The following SYTL3 variants were observed in gnomAD, a reference collection of about 807,000 sequenced individuals.
SYTL3 encodes the protein synaptotagmin-like protein 3.
SYTL3 carries 88 observed loss-of-function variants against 82.1 expected under a neutral mutation model. That is an observed-to-expected ratio of 1.07 (90% CI 0.90 to 1.28). SYTL3 has a LOEUF of 1.28. Ranked by LOEUF, SYTL3 falls within the 50% of genes most tolerant of loss-of-function variation. The pLI, the probability that SYTL3 is intolerant of heterozygous loss-of-function variation, is 0.00. For synonymous variants in SYTL3, 311 were observed against 289.4 expected (o/e 1.07, Z -0.76); for missense variants, 831 against 757.6 (o/e 1.10, Z -1.14).
chr6:158,755,516 T>G (rs3127229), intron 13 of SYTL3, among the ~76,000 whole-genome samples: 87,047 of 152,062 alleles, frequency 0.57, 26,130 homozygotes, highest in African/African-American at 0.7. Context: ...GCCAAGCCAT[T>G]TGTGCCTGGC....
chr6:158,667,821 C>T (rs1276296463), intron 5 of SYTL3, among the ~76,000 whole-genome samples: 3 of 152,090 alleles, frequency 2.0e-5, no homozygotes, highest in Admixed American at 2.0e-4. Flanking sequence ...TGGCCCTGAT[C>T]TTGTGTTGAG....
At chr6:158,674,119 A>AATAATAATGATGATG (rs544841096) in intron 5 of SYTL3, among the ~76,000 whole-genome samples, 2 of 141,456 alleles carry the variant, frequency 1.4e-5, no homozygotes, top group African/African-American at 5.5e-5. Context: ...TAATAATAAT[A>AATAATAATGATGATG]ATGATGATGA....
intron 5 of SYTL3, among the ~76,000 whole-genome samples, chr6:158,671,701 G>A (rs537201506): frequency 1.3e-5 from 2 of 150,976 alleles, no homozygotes; most frequent in South Asian, 4.2e-4. Flanking sequence ...CTGGGAGGCG[G>A]AGGTTGCAGT....
chr6:158,734,454 G>A (rs1032156440), intron 11 of SYTL3, among the ~76,000 whole-genome samples: 4 of 152,024 alleles, frequency 2.6e-5, no homozygotes, highest in Non-Finnish European at 5.9e-5. Context: ...ACTCTGGCCC[G>A]ACCTCACCAG....
chr6:158,747,943 T>C (rs1583466573), intron 12 of SYTL3, among the ~76,000 whole-genome samples: 1 of 152,186 alleles, frequency 6.6e-6, no homozygotes, highest in Admixed American at 6.5e-5. Flanking sequence ...TTGTTTATTA[T>C]GACTTTTCTT....
At chr6:158,663,718 T>A in intron 4 of SYTL3, 1 of 563,076 alleles carries the variant, frequency 1.8e-6, no homozygotes, top group Non-Finnish European at 2.3e-6. Flanking sequence ...ACCCCTTCTT[T>A]AAGGAAAGAC....
rs148751760 is a variant in SYTL3, at chr6:158,725,515, C to T, written c.733C>T (p.Pro245Ser). 1.7e-5 allele frequency: 27 copies of T among 1,614,090 alleles called. No individual in the cohort carries two copies. Among genetic ancestry groups the T allele is most frequent in the Non-Finnish European group, 2.2e-5 (26 of 1,180,008 alleles). ...TTTCCTTCTCCAGAAGGTCAGTGCA[C>T]CAGATATTCTGAAACCTCTCAATCA... ...VNVTTRKVSA[P>S]DILKPLNQED... Residue 245 changes from proline (P) to serine (S), a missense_variant, in exon 11 of 18, where the codon CCA becomes TCA. Physicochemically the swap from Pro to Ser is moderately conservative, Grantham distance 74. Transcript: ENST00000611299.
At chr6:158,660,001 G>A (rs961445378) in intron 2 of SYTL3, among the ~76,000 whole-genome samples, 1 of 152,164 alleles carries the variant, frequency 6.6e-6, no homozygotes, top group Non-Finnish European at 1.5e-5. Flanking sequence ...CAGGCCGGGC[G>A]TGGTGGTCCA....
Position 158,713,823 on chromosome 6 carries a change from A to T in SYTL3, c.540A>T (p.Arg180Ser). The change falls in exon 9 of 18, where the codon AGA becomes AGT. Residue 180 changes from arginine to serine, a missense_variant. By Grantham distance (110) the Arg-to-Ser change is moderately radical. Coordinates refer to ENST00000611299, the MANE Select transcript of SYTL3 (RefSeq NM_001242394.2). ...AGTTACAGGAATTTGGTCAGTTTAG[A>T]GGATTTAATAAGTCCGTGGAAAATT... ...PGRLQEFGQF[R>S]GFNKSVENLF... The T allele has an allele frequency of 6.5e-7, 1 of 1,550,244 alleles. No individual in the cohort carries two copies. Among genetic ancestry groups the T allele is most frequent in the Non-Finnish European group, 8.7e-7 (1 of 1,146,216 alleles).
chr6:158,703,936 T>G (rs547452169), intron 6 of SYTL3, among the ~76,000 whole-genome samples: 1 of 151,228 alleles, frequency 6.6e-6, no homozygotes, highest in African/African-American at 2.4e-5. Flanking sequence ...GCCTCTTGAG[T>G]TCAGCCTCCC....
intron 3 of SYTL3, among the ~76,000 whole-genome samples, chr6:158,662,233 A>G (rs1049949862): frequency 6.6e-6 from 1 of 152,194 alleles, no homozygotes; most frequent in Non-Finnish European, 1.5e-5. Context: ...TAGGAAGTAT[A>G]TTGATTTGAT....
rs71297002 is a variant in SYTL3, at chr6:158,680,575, C to CAAAAAAAA, written c.330-2338_330-2331dup. ...GCAACATAGCAAAACCCCGTCTCTA[C>CAAAAAAAA]AAAAAAAAAAAAAAAAAAACACAAA... is the stretch of plus-strand genomic sequence containing the variant. On this transcript the variant is annotated intron_variant, in intron 5 of 17. Transcript: ENST00000611299. Among the ~76,000 whole-genome samples the CAAAAAAAA allele has an allele frequency of 9.5e-4, 74 of 78,172 alleles. 1 individual carries two copies. Among genetic ancestry groups the CAAAAAAAA allele is most frequent in the African/African-American group, 1.9e-3 (44 of 23,698 alleles). The allele number at this position is 78,172 out of a possible 152,430, so 51.3% of individuals were successfully genotyped here.
chr6:158,670,569 G>A (rs549876823), intron 5 of SYTL3, among the ~76,000 whole-genome samples: 1 of 151,782 alleles, frequency 6.6e-6, no homozygotes, highest in African/African-American at 2.4e-5. Flanking sequence ...ATCACTTGAC[G>A]TCAGGAGTTC....
intron 2 of SYTL3, among the ~76,000 whole-genome samples, chr6:158,661,024 C>T (rs1789321521): frequency 6.6e-6 from 1 of 152,170 alleles, no homozygotes; most frequent in Non-Finnish European, 1.5e-5. Flanking sequence ...CACTGCACTC[C>T]AGCCTGGGTG....
At chr6:158,718,902 C>T (rs1442846478) in intron 10 of SYTL3, among the ~76,000 whole-genome samples, 1 of 152,104 alleles carries the variant, frequency 6.6e-6, no homozygotes, top group Non-Finnish European at 1.5e-5. Flanking sequence ...AACTGGTGTC[C>T]CTTCTCTGCT....
intron 5 of SYTL3, among the ~76,000 whole-genome samples, chr6:158,672,991 T>C (rs2583078): frequency 0.54 from 82,707 of 151,820 alleles, 24,485 homozygotes; most frequent in East Asian, 0.89. Context: ...GAGTACAGGG[T>C]GTGATCATAG....
intron 5 of SYTL3, among the ~76,000 whole-genome samples, chr6:158,672,713 C>T (rs959887922): frequency 6.6e-6 from 1 of 151,930 alleles, no homozygotes; most frequent in African/African-American, 2.4e-5. Context: ...CTCACTGCAA[C>T]CTCCGCCTCC....
intron 10 of SYTL3, among the ~76,000 whole-genome samples, chr6:158,721,845 G>C (rs7738921): frequency 0.65 from 98,402 of 151,664 alleles, 33,250 homozygotes; most frequent in African/African-American, 0.8. Flanking sequence ...GTTGCCTAGG[G>C]TAGTCTCAAA....
intron 5 of SYTL3, among the ~76,000 whole-genome samples, chr6:158,677,871 T>A (rs1778240995): frequency 6.6e-6 from 1 of 152,156 alleles, no homozygotes; most frequent in South Asian, 2.1e-4. Flanking sequence ...CTTCTGCTGC[T>A]GCTGCTTTTG....
Sources: allele counts gnomAD v4.1 joint callset (sites outside exome capture counted in the v4.1 genomes callset), GRCh38; gene constraint gnomAD v4.1.1; transcripts MANE v1.5; gene names NCBI Gene and HGNC (gene_info 2026-07-23, HGNC 2026-07-21).